FANCD2: variants seen among roughly 807,000 people sequenced by gnomAD.
FANCD2 encodes the protein FA complementation group D2, also known as Fanconi anemia group D2 protein.
A neutral mutation model predicts 192.3 loss-of-function variants in FANCD2; 131 were observed. The ratio of observed to expected loss-of-function variants is 0.68; its 90% CI spans 0.59 to 0.79. FANCD2 has a LOEUF of 0.79. FANCD2 is among the 30% of genes least tolerant of loss of function. The probability of loss-of-function intolerance (pLI) is 0.00; values close to 1 mark genes in which losing one functional copy is unlikely to be tolerated. For missense variants in FANCD2, 1,508 were observed against 1,701.6 expected, an observed-to-expected ratio of 0.89 and a Z score of 2.00; for synonymous variants, 524 against 612.5, an observed-to-expected ratio of 0.86 and a Z score of 2.13.
intron 41 of FANCD2, among the ~76,000 whole-genome samples, chr3:10,095,974 C>T (rs933091632): frequency 5.9e-5 from 9 of 151,720 alleles, no homozygotes; most frequent in African/African-American, 1.2e-4. Context: ...TTCCGCCTCC[C>T]GGCTGGACAG....
rs2087244150 is a variant in FANCD2, at chr3:10,052,398, T to G, written c.1557T>G (p.Asp519Glu). 1.7e-5 allele frequency: 27 copies of G among 1,608,432 alleles called. No individual in the cohort carries two copies. Among genetic ancestry groups the G allele is most frequent in the Non-Finnish European group, 2.2e-5 (26 of 1,174,928 alleles). ...CATTTTTTCCACAGGGCATTTTAGA[T>G]TATCTGGATAACATATCCCCTCAGC... ...MNAVFVKGIL[D>E]YLDNISPQQI... is the part of the protein sequence containing the mutation. The change falls in exon 18 of 44, where the codon GAT becomes GAG. Residue 519 changes from aspartate to glutamate, a missense_variant. By Grantham distance (45) the Asp-to-Glu change is conservative (BLOSUM62 2). Around this residue, in one of 5 missense-constraint regions of FANCD2, gnomAD observed 110 missense variants for 114.4 expected, o/e 0.96. Transcript: ENST00000675286.
chr3:10,056,794 A>C (rs2087425135), intron 18 of FANCD2, among the ~76,000 whole-genome samples: 1 of 152,236 alleles, frequency 6.6e-6, no homozygotes, highest in South Asian at 2.1e-4. Flanking sequence ...GCATCTTTTC[A>C]TGTACTTCTT....
rs374536709 is a variant in FANCD2 at position 10,061,421 on chromosome 3, T to C, written c.1767-730T>C. On this transcript the variant is annotated intron_variant, in intron 19 of 43. Transcript: ENST00000675286. ...GAAGAGGTTGCAGAGTGTGCAACTC[T>C]AGTTAAGAGTTCAGTCAGTGAAGCC... Among the ~76,000 whole-genome samples, 26 of 152,344 alleles carry C rather than the reference T, an allele frequency of 1.7e-4. No homozygotes were observed. The South Asian group carries it at 3.3e-3, about 19-fold the overall frequency.
chr3:10,083,226 CA>C (rs949468343), intron 32 of FANCD2, among the ~76,000 whole-genome samples: 187 of 132,154 alleles, frequency 1.4e-3, no homozygotes, highest in Middle Eastern at 3.9e-3. Flanking sequence ...GACCCCATCT[CA>C]AAAAAAAAAA....
chr3:10,096,225 G>T (rs191786004), intron 41 of FANCD2, 101 bp from the exon 42 acceptor site: 77 of 1,246,774 alleles, frequency 6.2e-5, no homozygotes, highest in Non-Finnish European at 9.0e-5. Context: ...GCCCATACTG[G>T]CAGGGCTTGT....
At chr3:10,083,967 A>G (rs558229197) in intron 32 of FANCD2, among the ~76,000 whole-genome samples, 17 of 150,960 alleles carry the variant, frequency 1.1e-4, no homozygotes, top group African/African-American at 3.4e-4. Flanking sequence ...GTGGTTTTAC[A>G]TAGTATATTC....
intron 26 of FANCD2, 95 bp from the exon 27 acceptor site, chr3:10,072,776 G>GTAA (rs1234374919): frequency 2.6e-6 from 2 of 768,072 alleles, no homozygotes; most frequent in African/African-American, 1.7e-5. Flanking sequence ...GGTAATTTTG[G>GTAA]AAACTAGTTT....
chr3:10,074,557 TCATTGTTAC>T lies in FANCD2; in HGVS notation c.2744_2752del (p.Ser915_Leu917del). ...GTTCACAGGGAAGGAAGAAAAGACA[TCATTGTTAC>T]TACATAATTCCCATGCTTTTTTCCG... On this transcript the variant is annotated inframe_deletion, in exon 29 of 44. Coordinates refer to ENST00000675286, the MANE Select transcript of FANCD2 (RefSeq NM_001018115.3). The T allele has an allele frequency of 6.2e-7, 1 of 1,613,812 alleles. No homozygotes were observed. The highest frequency in any genetic ancestry group is 8.5e-7 in the Non-Finnish European group (1 of 1,179,840).
rs201487858 is a variant in FANCD2, at chr3:10,067,265, T to C, written c.2442T>C (p.Thr814=). 13 of 1,613,838 alleles carry C rather than the reference T, an allele frequency of 8.1e-6. No homozygotes were observed. Among genetic ancestry groups the C allele is most frequent in the Non-Finnish European group, 1.1e-5 (13 of 1,179,860 alleles). Residue 814 remains threonine, a synonymous_variant, in exon 26 of 44, where the codon ACT becomes ACC. Transcript: ENST00000675286. ...CTGAGATGAAGGGGAAGGTGCTCAC[T>C]CGGTTAAAGCACATTGTAGAATTGC... is the stretch of plus-strand genomic sequence containing the variant. ...TSPEMKGKVL[T]RLKHIVELQI...
At chr3:10,100,211 C>T (rs150785408) in intron 43 of FANCD2, among the ~76,000 whole-genome samples, 2 of 152,206 alleles carry the variant, frequency 1.3e-5, no homozygotes, top group East Asian at 3.9e-4. Flanking sequence ...TTACATGGTC[C>T]CCAGTTTTAT....
At chr3:10,047,732 G>C (rs2087065138) in intron 15 of FANCD2, among the ~76,000 whole-genome samples, 185 bp from the exon 16 acceptor site, 1 of 152,226 alleles carries the variant, frequency 6.6e-6, no homozygotes, top group South Asian at 2.1e-4. Context: ...GAATCCCATT[G>C]ATGCTGAGAG....
chr3:10,036,917 C>G (rs964420874), intron 7 of FANCD2, among the ~76,000 whole-genome samples: 33 of 151,934 alleles, frequency 2.2e-4, no homozygotes, highest in Admixed American at 2.1e-3. Context: ...CTCACTGAGG[C>G]CTCCACCTCC....
intron 6 of FANCD2, 91 bp from the exon 7 acceptor site, chr3:10,036,196 C>A: frequency 2.9e-6 from 3 of 1,021,494 alleles, no homozygotes; most frequent in Non-Finnish European, 4.5e-6. Context: ...CCAAGAGGTT[C>A]TCGTGCCTCA....
chr3:10,093,925 G>A (rs1694802990), intron 39 of FANCD2, among the ~76,000 whole-genome samples: 1 of 152,144 alleles, frequency 6.6e-6, no homozygotes, highest in Non-Finnish European at 1.5e-5. Context: ...ATCTGATTGG[G>A]AAATTTAGAA....
At chr3:10,041,384 G>A in intron 9 of FANCD2, 1 of 439,482 alleles carries the variant, frequency 2.3e-6, no homozygotes. Flanking sequence ...TCTCTGGGTA[G>A]TGGGGATTGT....
At position 10,030,900 on chromosome 3, in the gene FANCD2, CA is replaced by C. The variant is rs111338639; in HGVS notation, c.65-1922del. Among the ~76,000 whole-genome samples the C allele has an allele frequency of 1.2e-4, 18 of 145,146 alleles. 1 individual carries two copies. Among genetic ancestry groups the C allele is most frequent in the South Asian group, 8.8e-4 (4 of 4,564 alleles). ...GGGCAACAGAGCAAGACTCTTATCTCAAAAAAAAAAGGAAGTTGTGAAGCTC... is the reference window on the plus strand; with the variant it reads ...GGGCAACAGAGCAAGACTCTTATCTCAAAAAAAAAGGAAGTTGTGAAGCTC... On this transcript the variant is annotated intron_variant, in intron 2 of 43. Transcript: ENST00000675286.
Position 10,072,909 on chromosome 3 carries a change from G to A in FANCD2, c.2533G>A (p.Val845Met), listed in dbSNP as rs1311131438. Residue 845 changes from valine to methionine, a missense_variant, in exon 27 of 44, where the codon GTG (valine) becomes ATG (methionine). Val to Met is a conservative substitution (Grantham distance 21, BLOSUM62 1). Coordinates refer to ENST00000675286, the MANE Select transcript of FANCD2 (RefSeq NM_001018115.3). ...TGTCCCTCCTCTTGGAAACTTTGAT[G>A]TGGAAACTTTAGATATAACACCTCA... is the stretch of plus-strand genomic sequence containing the variant. ...DYVPPLGNFDVETLDITPHTV... is the reference protein window; with the variant it reads ...DYVPPLGNFDMETLDITPHTV... 1.2e-6 allele frequency: 2 copies of A among 1,612,210 alleles called. No homozygotes were observed. The highest frequency in any genetic ancestry group is 2.7e-5 in the African/African-American group (2 of 74,888).
At chr3:10,094,166 AATTTGTTTTTT>A (rs1265468058) in intron 39 of FANCD2, 112 bp from the exon 40 acceptor site, 1 of 744,658 alleles carries the variant, frequency 1.3e-6, no homozygotes, top group African/African-American at 1.8e-5. Context: ...GACCCTTCCC[AATTTGTTTTTT>A]ATATATATAA....
At chr3:10,068,633 G>GA (rs1204764998) in intron 26 of FANCD2, among the ~76,000 whole-genome samples, 147 of 137,694 alleles carry the variant, frequency 1.1e-3, no homozygotes, top group African/African-American at 1.7e-3. Context: ...CACAGAAATA[G>GA]AAAAAAAAAA....
Sources: allele counts gnomAD v4.1 joint callset (sites outside exome capture counted in the v4.1 genomes callset), GRCh38; gene constraint gnomAD v4.1.1; regional missense constraint gnomAD v4.1.1; transcripts MANE v1.5; gene names NCBI Gene and HGNC (gene_info 2026-07-23, HGNC 2026-07-21).